Variants in BYSL observed in about 807,000 individuals in gnomAD.
BYSL encodes the protein bystin.
Under a neutral mutation model 45.4 loss-of-function variants are expected in BYSL, and 21 were observed. The ratio of observed to expected loss-of-function variants is 0.46; its 90% CI spans 0.33 to 0.67. The LOEUF (loss-of-function observed/expected upper bound fraction) is 0.67. BYSL is among the 30% of genes least tolerant of loss of function. The probability of loss-of-function intolerance (pLI) is 0.02; values close to 1 mark genes in which losing one functional copy is unlikely to be tolerated. For missense variants in BYSL, 522 were observed against 578.5 expected (o/e 0.90, Z 1.00); for synonymous variants, 215 against 231.3 (o/e 0.93, Z 0.64).
At chr6:41,931,104 C>T (rs905408423) in intron 4 of BYSL, among the ~76,000 whole-genome samples, 3 of 81,660 alleles carry the variant, frequency 3.7e-5, no homozygotes, top group African/African-American at 1.7e-4. Context: ...TGTGACTGCC[C>T]AGGCATGCTC....
chr6:41,930,785 T>C lies in BYSL; in HGVS notation c.704+17T>C. 6.2e-7 allele frequency: 1 copy of C among 1,606,942 alleles called. No individual in the cohort carries two copies. The highest frequency in any genetic ancestry group is 8.5e-7 in the Non-Finnish European group (1 of 1,177,532). On this transcript the variant is annotated intron_variant, in intron 4 of 6. Coordinates refer to ENST00000230340, the MANE Select transcript of BYSL (RefSeq NM_004053.4). ...GGCCACCAGGTAGAGTAGCTGGGGG[T>C]TCGGGGGCCTTGGGTTTATAGGTGC...
At chr6:41,922,671 T>A (rs1168775345) in intron 1 of BYSL, among the ~76,000 whole-genome samples, 1 of 152,240 alleles carries the variant, frequency 6.6e-6, no homozygotes, top group Non-Finnish European at 1.5e-5. Context: ...GCAAGTTTCA[T>A]GGTTTAAATA....
chr6:41,921,444 C>T (rs1489341639), upstream of BYSL: 9 of 1,385,620 alleles, frequency 6.5e-6, no homozygotes, highest in Non-Finnish European at 5.8e-6. Flanking sequence ...CCTCCGAATG[C>T]TAGGGGGCGC....
At chr6:41,920,478 G>A (rs1391459150), upstream of BYSL, among the ~76,000 whole-genome samples, 1 of 152,174 alleles carries the variant, frequency 6.6e-6, no homozygotes, top group Non-Finnish European at 1.5e-5. Flanking sequence ...CCCACTGCAG[G>A]CAGTACTATG....
chr6:41,909,613 A>G, the BYSL span: 1 of 1,547,770 alleles, frequency 6.5e-7, no homozygotes, highest in Non-Finnish European at 8.8e-7. Context: ...ATGAGGCCAG[A>G]CAGCAATCTG....
chr6:41,926,878 G>A (rs111364694), intron 1 of BYSL, among the ~76,000 whole-genome samples: 1 of 150,896 alleles, frequency 6.6e-6, no homozygotes, highest in African/African-American at 2.4e-5. Context: ...GGCGGATCAC[G>A]AGGTCAAGAG....
At chr6:41,920,866 G>T, upstream of BYSL, 1 of 1,088,212 alleles carries the variant, frequency 9.2e-7, no homozygotes, top group Non-Finnish European at 1.3e-6. Flanking sequence ...GGAACCCGCA[G>T]CCCGGACGGC....
the BYSL span, among the ~76,000 whole-genome samples, chr6:41,909,816 G>A: frequency 6.6e-6 from 1 of 152,180 alleles, no homozygotes; most frequent in Admixed American, 6.5e-5. Flanking sequence ...TGAGTGGTGG[G>A]CTCACAGATG....
chr6:41,928,868 C>G (rs1341440899), intron 2 of BYSL, among the ~76,000 whole-genome samples: 2 of 152,150 alleles, frequency 1.3e-5, no homozygotes, highest in Non-Finnish European at 2.9e-5. Context: ...TGCGCTGACT[C>G]TAGGACTGAA....
intron 2 of BYSL, among the ~76,000 whole-genome samples, chr6:41,929,653 A>G (rs1365786278): frequency 2.0e-5 from 3 of 152,276 alleles, no homozygotes; most frequent in Non-Finnish European, 4.4e-5. Flanking sequence ...AATCAGTCTT[A>G]GAAATATTTC....
Position 41,921,555 on chromosome 6 carries a change from C to A in BYSL, c.-8C>A, listed in dbSNP as rs758484450. The A allele has an allele frequency of 1.9e-6, 3 of 1,554,632 alleles. No individual in the cohort carries two copies. The African/African-American group carries it at 4.1e-5, about 21-fold the overall frequency. On this transcript the variant is annotated 5_prime_UTR_variant, in exon 1 of 7. Coordinates refer to ENST00000230340, the MANE Select transcript of BYSL (RefSeq NM_004053.4). ...GTGCGATCCTTCCCGGCAACTTTTT[C>A]GAGAAAAATGCCCAAATTCAAGGCG...
the BYSL span, among the ~76,000 whole-genome samples, chr6:41,914,049 T>C: frequency 6.6e-6 from 1 of 152,234 alleles, no homozygotes; most frequent in Non-Finnish European, 1.5e-5. Flanking sequence ...CCATGTCAGA[T>C]AGTTTTGGTA....
chr6:41,913,334 C>G, the BYSL span, among the ~76,000 whole-genome samples: 3 of 152,274 alleles, frequency 2.0e-5, no homozygotes, highest in Non-Finnish European at 2.9e-5. Context: ...GTTTATTGCT[C>G]TTTCCTGCCT....
chr6:41,928,000 A>G (rs996932947), intron 2 of BYSL, among the ~76,000 whole-genome samples: 1 of 152,114 alleles, frequency 6.6e-6, no homozygotes, highest in African/African-American at 2.4e-5. Flanking sequence ...GGTTTAGTAG[A>G]TATCTCTGAT....
At chr6:41,917,399 TA>T (rs1236182311), upstream of BYSL, 3,273 of 158,294 alleles carry the variant, frequency 0.021, no homozygotes, top group South Asian at 0.078. Context: ...GACGCCATCT[TA>T]AAAAAAAAAA....
chr6:41,924,579 G>A (rs1186698851), intron 1 of BYSL, among the ~76,000 whole-genome samples: 2 of 152,210 alleles, frequency 1.3e-5, no homozygotes, highest in Non-Finnish European at 2.9e-5. Flanking sequence ...TATAGTAGGT[G>A]CTTGGTGTTT....
chr6:41,918,046 C>T (rs1016694196), upstream of BYSL: 20 of 274,194 alleles, frequency 7.3e-5, no homozygotes, highest in African/African-American at 3.8e-4. Context: ...AAGGTTTCCT[C>T]CTATGGTGAG....
At chr6:41,928,756 G>C (rs1775596985) in intron 2 of BYSL, among the ~76,000 whole-genome samples, 1 of 152,172 alleles carries the variant, frequency 6.6e-6, no homozygotes, top group African/African-American at 2.4e-5. Flanking sequence ...AAAAACCTGA[G>C]TTTGACTCTT....
At chr6:41,930,576 C>A in intron 3 of BYSL, 59 bp from the exon 4 acceptor site, 1 of 1,558,024 alleles carries the variant, frequency 6.4e-7, no homozygotes, top group South Asian at 1.2e-5. Context: ...AAGTTCCTAG[C>A]CCACAGCAAG....
Sources: allele counts gnomAD v4.1 joint callset (sites outside exome capture counted in the v4.1 genomes callset), GRCh38; gene constraint gnomAD v4.1.1; transcripts MANE v1.5; gene names NCBI Gene and HGNC (gene_info 2026-07-23, HGNC 2026-07-21).